The following NPHP4 variants were observed in gnomAD, a reference collection of about 807,000 sequenced individuals.
The protein encoded by NPHP4 is nephrocystin-4.
A neutral mutation model predicts 155.8 loss-of-function variants in NPHP4; 151 were observed. The ratio of observed to expected loss-of-function variants is 0.97; its 90% CI spans 0.85 to 1.11. NPHP4 has a LOEUF of 1.11. NPHP4 is among the 50% of genes least tolerant of loss of function. The pLI, the probability that NPHP4 is intolerant of heterozygous loss-of-function variation, is 0.00. For synonymous variants in NPHP4, 845 were observed against 816.8 expected (o/e 1.03, Z -0.59); for missense variants, 1,956 against 1,925.7 (o/e 1.02, Z -0.29).
Position 5,944,055 on chromosome 1 carries a change from T to TCC in NPHP4, c.1119+3048_1119+3049insGG, listed in dbSNP as rs1646959517. Among the ~76,000 whole-genome samples, 1 of 152,162 alleles carries TCC rather than the reference T, an allele frequency of 6.6e-6. No individual in the cohort carries two copies. The highest frequency in any genetic ancestry group is 6.5e-5 in the Admixed American group (1 of 15,276). The stretch of plus-strand genomic sequence containing the variant: ...AAGTTTTTAAAAAAAAAAGAAATGT[T>TCC]CATGCCAAAAGGTTTACAGATGAAA... On this transcript the variant is annotated intron_variant, in intron 9 of 29. Coordinates refer to ENST00000378156, the MANE Select transcript of NPHP4 (RefSeq NM_015102.5). The surrounding 1 kb of genome is among the most constrained non-coding windows in gnomAD (Gnocchi z 4.3).
chr1:5,907,813 T>C (rs962703199), intron 12 of NPHP4, among the ~76,000 whole-genome samples: 4 of 152,264 alleles, frequency 2.6e-5, no homozygotes, highest in African/African-American at 9.6e-5. Flanking sequence ...TAATAGTACC[T>C]AAACTGCAGG....
In NPHP4 at chr1:5,877,223, C is replaced by A. The variant is rs372438267; in HGVS notation, c.2687G>T (p.Arg896Leu). The A allele has an allele frequency of 4.4e-6, 7 of 1,608,024 alleles. No individual in the cohort carries two copies. Among genetic ancestry groups the A allele is most frequent in the South Asian group, 1.1e-5 (1 of 90,148 alleles). ...ELAAMLLTHA[R>L]QGKGPQDVSR... ...GACGTCCTGGGGCCCCTTGCCCTGC[C>A]GGGCATGGGTCAGTAGCATGGCAGC... is the stretch of plus-strand genomic sequence containing the variant. The change falls in exon 20 of 30, where the codon CGG becomes CTG. Residue 896 changes from arginine to leucine, a missense_variant. Coordinates refer to ENST00000378156, the MANE Select transcript of NPHP4 (RefSeq NM_015102.5).
intron 18 of NPHP4, chr1:5,880,534 T>G (rs1476380640): frequency 1.3e-5 from 5 of 379,282 alleles, no homozygotes; most frequent in Non-Finnish European, 2.5e-5. Flanking sequence ...GGATTCTTAC[T>G]TCTGGATCTC....
intron 16 of NPHP4, among the ~76,000 whole-genome samples, chr1:5,896,137 G>A (rs1644385272): frequency 6.6e-6 from 1 of 152,200 alleles, no homozygotes; most frequent in African/African-American, 2.4e-5. Flanking sequence ...AACACTGGAA[G>A]GGTCAGCCAG....
Position 5,961,776 on chromosome 1 carries a change from A to T in NPHP4, c.673+18T>A. The T allele has an allele frequency of 6.2e-7, 1 of 1,604,934 alleles. No homozygotes were observed. The highest frequency in any genetic ancestry group is 8.5e-7 in the Non-Finnish European group (1 of 1,175,648). ...CAGACTCACCTCACCAAGTGGAGAGAATCAAAGACGCCCTTACCGGATTCT... is the reference window on the plus strand; with the variant it reads ...CAGACTCACCTCACCAAGTGGAGAGTATCAAAGACGCCCTTACCGGATTCT... On this transcript the variant is annotated intron_variant, in intron 6 of 29. Coordinates refer to ENST00000378156, the MANE Select transcript of NPHP4 (RefSeq NM_015102.5).
chr1:5,979,312 G>A (rs1265439932), intron 2 of NPHP4, among the ~76,000 whole-genome samples: 1 of 147,924 alleles, frequency 6.8e-6, no homozygotes, highest in Non-Finnish European at 1.5e-5. Flanking sequence ...ACATGGTGAA[G>A]AACGGGGAGA....
rs752045626 is a variant in NPHP4, at chr1:5,986,338, C to T, written c.-38-11G>A. The T allele has an allele frequency of 1.9e-6, 3 of 1,602,930 alleles. No homozygotes were observed. Among genetic ancestry groups the T allele is most frequent in the Non-Finnish European group, 2.6e-6 (3 of 1,173,054 alleles). On this transcript the variant is annotated splice_polypyrimidine_tract_variant and intron_variant, in intron 1 of 29. Transcript: ENST00000378156. ...GGCTTCCCGGATGATCTGTGCCAGT[C>T]GTATTCAAATAAAGAGAAGAGCTGT...
intron 12 of NPHP4, 109 bp from the exon 13 acceptor site, chr1:5,907,331 C>A: frequency 1.6e-6 from 1 of 628,886 alleles, no homozygotes; most frequent in Non-Finnish European, 2.6e-6. Context: ...CTGGATCCAG[C>A]CACGGAAGGG....
At chr1:5,888,454 C>A (rs1386072831) in intron 17 of NPHP4, 17 of 1,165,252 alleles carry the variant, frequency 1.5e-5, no homozygotes, top group Non-Finnish European at 1.7e-5. Context: ...GAGTGAGACG[C>A]CAGACCTGAC....
In NPHP4 at chr1:5,877,158, G is replaced by C. The variant is rs767779934; in HGVS notation, c.2752C>G (p.Arg918Gly). The change falls in exon 20 of 30, where the codon CGG becomes GGG. Residue 918 changes from arginine to glycine, a missense_variant. Physicochemically the swap from Arg to Gly is moderately radical, Grantham distance 125 (BLOSUM62 -2). Transcript: ENST00000378156. The part of the protein sequence containing the change: ...SDATRRRKLE[R>G]MRSVRLQEAG... ...TCCTGCAGGCGCACAGACCTCATCC[G>C]CTCCAGCTTACGCCTGCGGGTGGCA... The C allele has an allele frequency of 1.2e-5, 20 of 1,604,668 alleles. No individual in the cohort carries two copies. The highest frequency in any genetic ancestry group is 1.5e-5 in the Non-Finnish European group (18 of 1,173,854).
chr1:5,942,095 G>T (rs532675451), intron 9 of NPHP4, among the ~76,000 whole-genome samples: 32 of 152,270 alleles, frequency 2.1e-4, no homozygotes, highest in African/African-American at 7.7e-4. Context: ...CCTCGCCCAG[G>T]ATGAACACAT....
rs1641338578 is a variant in NPHP4 at position 5,867,261 on chromosome 1, T to C, written c.3473-146A>G. 1.6e-6 allele frequency: 1 copy of C among 634,000 alleles called. No homozygotes were observed. 39.3% of individuals were successfully genotyped at this position (634,000 alleles called of 1,614,324 possible). A position where few individuals can be genotyped will look rare whatever the true frequency, so the allele number is the denominator to read the frequency against. Reference sequence around the variant, plus strand: ...TGCTGGGGAAACGGACGCCGCCACCTTTCCCAGGACAGCATCCAAGCACTG... The same window carrying C: ...TGCTGGGGAAACGGACGCCGCCACCCTTCCCAGGACAGCATCCAAGCACTG... On this transcript the variant is annotated intron_variant, in intron 24 of 29. Transcript: ENST00000378156. This position sits in a 1 kb window ranked among gnomAD's most constrained non-coding sequence, Gnocchi z 4.1.
intron 4 of NPHP4, among the ~76,000 whole-genome samples, 192 bp downstream of exon 4, chr1:5,968,895 G>A (rs567464169): frequency 4.0e-5 from 6 of 151,890 alleles, no homozygotes; most frequent in African/African-American, 1.2e-4. Context: ...TCAGCTGGGC[G>A]TGGCACCTGT....
At chr1:5,923,524 C>T (rs1377514730) in intron 11 of NPHP4, among the ~76,000 whole-genome samples, 1 of 152,142 alleles carries the variant, frequency 6.6e-6, no homozygotes, top group African/African-American at 2.4e-5. Context: ...AGGAAACTTC[C>T]TAAGGCCAAA....
At chr1:5,885,573 G>A (rs1643724914) in intron 18 of NPHP4, among the ~76,000 whole-genome samples, 1 of 152,244 alleles carries the variant, frequency 6.6e-6, no homozygotes, top group East Asian at 1.9e-4. Flanking sequence ...GAGTCCCAGG[G>A]CCCTGGGCCC....
intron 7 of NPHP4, among the ~76,000 whole-genome samples, chr1:5,948,517 C>T (rs776020439): frequency 4.2e-4 from 64 of 152,190 alleles, no homozygotes; most frequent in Non-Finnish European, 8.2e-4. Context: ...TCAGATGCCT[C>T]GATCCCCAAA....
At chr1:5,873,061 C>T (rs1178072134) in intron 23 of NPHP4, among the ~76,000 whole-genome samples, 191 bp downstream of exon 23, 4 of 152,182 alleles carry the variant, frequency 2.6e-5, no homozygotes, top group Non-Finnish European at 5.9e-5. Context: ...ACCATGCAGG[C>T]TGTGCCAGCG....
intron 16 of NPHP4, among the ~76,000 whole-genome samples, chr1:5,899,165 G>A (rs1319509984): frequency 6.6e-6 from 1 of 152,180 alleles, no homozygotes; most frequent in Non-Finnish European, 1.5e-5. Flanking sequence ...CCACAACCCA[G>A]CCGTTCACTA....
chr1:5,887,456 C>A lies in NPHP4; in HGVS notation c.2315G>T (p.Arg772Leu). 1 of 1,613,062 alleles carries A rather than the reference C, an allele frequency of 6.2e-7. No homozygotes were observed. Among genetic ancestry groups the A allele is most frequent in the Non-Finnish European group, 8.5e-7 (1 of 1,179,850 alleles). ...SAAVQMKHLL[R>L]QGRPAVQASH... ...GGCCTGCACAGCCGGCCGGCCTTGGCGGAGGAGATGCTGCAGAAGAGAAAA... is the reference window on the plus strand; with the variant it reads ...GGCCTGCACAGCCGGCCGGCCTTGGAGGAGGAGATGCTGCAGAAGAGAAAA... Residue 772 changes from arginine to leucine, a missense_variant, in exon 18 of 30, where the codon CGC (arginine) becomes CTC (leucine). Coordinates refer to ENST00000378156, the MANE Select transcript of NPHP4 (RefSeq NM_015102.5).
Sources: gnomAD v4.1 joint callset for allele counts (sites outside exome capture counted in the v4.1 genomes callset) on GRCh38, gnomAD v4.1.1 for gene constraint, Gnocchi (gnomAD v3.1) non-coding constraint, MANE v1.5 for transcripts, NCBI Gene and HGNC (gene_info 2026-07-23, HGNC 2026-07-21) for gene names.